KLK6: variants seen among roughly 807,000 people sequenced by gnomAD.
The protein encoded by KLK6 is kallikrein related peptidase 6.
KLK6 carries 16 observed loss-of-function variants against 21.7 expected under a neutral mutation model. The ratio of observed to expected loss-of-function variants is 0.74; its 90% CI spans 0.50 to 1.12. KLK6 has a LOEUF of 1.12. Among genes scored for constraint, KLK6 ranks in the 50% most tolerant of loss-of-function variants. KLK6 has a pLI of 0.00. For missense variants in KLK6, 276 were observed against 304.6 expected (o/e 0.91, Z 0.70); for synonymous variants, 116 against 120.1 (o/e 0.97, Z 0.22).
At chr19:50,960,245 C>T (rs1032298327) in intron 6 of KLK6, among the ~76,000 whole-genome samples, 4 of 151,734 alleles carry the variant, frequency 2.6e-5, no homozygotes, top group Non-Finnish European at 5.9e-5. Context: ...CTCTCCACCT[C>T]GTGTCTTGAG....
chr19:50,968,339 G>A, intron 2 of KLK6: 1 of 600,628 alleles, frequency 1.7e-6, no homozygotes, highest in South Asian at 2.0e-5. Flanking sequence ...ACGTCCACTG[G>A]TCCAGTAACC....
chr19:50,961,624 CTCTA>C (rs2090841367), intron 6 of KLK6, 116 bp downstream of exon 6: 23 of 1,224,828 alleles, frequency 1.9e-5, no homozygotes, highest in African/African-American at 3.0e-5. Context: ...CTCAGCCTGT[CTCTA>C]TCTGTCTCTG....
rs569990173 is a variant in KLK6 at position 50,966,584 on chromosome 19, TGAGGTCAG to T, written c.197+577_197+584del. Reference sequence around the variant, plus strand: ...GGGAGGGCGAGGCGGGCGGATCACCTGAGGTCAGGAGTTCGAGACCAGCCTGGCCAACA... The same window carrying T: ...GGGAGGGCGAGGCGGGCGGATCACCTGAGTTCGAGACCAGCCTGGCCAACA... On this transcript the variant is annotated intron_variant, in intron 4 of 6. Transcript: ENST00000310157. 3.0e-4 allele frequency among the ~76,000 whole-genome samples: 46 copies of T among 152,288 alleles called. No homozygotes were observed. The East Asian group carries it at 8.1e-3, about 27-fold the overall frequency.
At chr19:50,961,553 A>G (rs1422361273) in intron 6 of KLK6, among the ~76,000 whole-genome samples, 191 bp downstream of exon 6, 2 of 151,982 alleles carry the variant, frequency 1.3e-5, no homozygotes, top group Non-Finnish European at 2.9e-5. Flanking sequence ...ATCTCTGCAT[A>G]TCCCTGACTG....
At chr19:50,966,587 G>A (rs1392615573) in intron 4 of KLK6, among the ~76,000 whole-genome samples, 1 of 152,112 alleles carries the variant, frequency 6.6e-6, no homozygotes, top group Non-Finnish European at 1.5e-5. Flanking sequence ...GATCACCTGA[G>A]GTCAGGAGTT....
intron 4 of KLK6, among the ~76,000 whole-genome samples, chr19:50,965,137 C>T (rs2122141867): frequency 6.6e-6 from 1 of 152,028 alleles, no homozygotes; most frequent in Non-Finnish European, 1.5e-5. Flanking sequence ...GCTCTGTCAC[C>T]CAGGCTGGAT....
chr19:50,962,456 A>G (rs2090858846), intron 5 of KLK6: 1 of 152,006 alleles, frequency 6.6e-6, no homozygotes, highest in Middle Eastern at 3.3e-3. Context: ...ACCCTCCCTC[A>G]TGGATCCTCC....
intron 5 of KLK6, chr19:50,962,194 T>C: frequency 3.6e-6 from 1 of 278,080 alleles, no homozygotes; most frequent in Non-Finnish European, 6.8e-6. Context: ...CTTCCACTGG[T>C]CCCACCTTCT....
intron 6 of KLK6, 111 bp from the exon 7 acceptor site, chr19:50,959,427 AAGGGACAG>A: frequency 3.2e-6 from 3 of 935,316 alleles, no homozygotes; most frequent in Admixed American, 2.5e-5. Context: ...GAGAGGTAGA[AAGGGACAG>A]AGGTACTTAC....
At chr19:50,967,428 G>A (rs2090943638) in intron 3 of KLK6, 103 bp from the exon 4 acceptor site, 4 of 1,154,638 alleles carry the variant, frequency 3.5e-6, no homozygotes, top group Non-Finnish European at 4.8e-6. Context: ...AGTGGCTTAT[G>A]CCTGTAATCC....
intron 4 of KLK6, among the ~76,000 whole-genome samples, chr19:50,964,979 G>A (rs1434362824): frequency 1.3e-5 from 2 of 152,072 alleles, no homozygotes; most frequent in South Asian, 2.1e-4. Context: ...TCATGCCTCC[G>A]CTTGGATTTT....
At chr19:50,966,555 C>A (rs548060627) in intron 4 of KLK6, among the ~76,000 whole-genome samples, 1 of 152,218 alleles carries the variant, frequency 6.6e-6, no homozygotes, top group Non-Finnish European at 1.5e-5. Context: ...AATCCCAGCT[C>A]TTTGGGAGGG....
chr19:50,959,088 G>GCAAGGTCT lies in KLK6; in HGVS notation c.*68_*75dup. Reference sequence around the variant, plus strand: ...AGAGCTGGGCAGGAGAGGAGGGGAGGCAAGGTCTAGGTGAGAGACGTTCTG... The same window carrying GCAAGGTCT: ...AGAGCTGGGCAGGAGAGGAGGGGAGGCAAGGTCTCAAGGTCTAGGTGAGAGACGTTCTG... On this transcript the variant is annotated 3_prime_UTR_variant, in exon 7 of 7. Coordinates refer to ENST00000310157, the MANE Select transcript of KLK6 (RefSeq NM_002774.4). The GCAAGGTCT allele has an allele frequency of 1.3e-6, 2 of 1,528,130 alleles. No individual in the cohort carries two copies. The allele number at this position is 1,528,130 out of a possible 1,614,324, so 94.7% of individuals were successfully genotyped here.
chr19:50,966,897 A>G (rs2090935090), intron 4 of KLK6, among the ~76,000 whole-genome samples: 1 of 152,180 alleles, frequency 6.6e-6, no homozygotes, highest in Non-Finnish European at 1.5e-5. Flanking sequence ...AGGTCCCCAA[A>G]TGATCCAATT....
chr19:50,963,779 T>C (rs2090883148), intron 4 of KLK6: 1 of 540,934 alleles, frequency 1.8e-6, no homozygotes, highest in East Asian at 3.2e-5. Context: ...CTGAAGCATA[T>C]CCAGAATCTG....
In KLK6 at chr19:50,961,850, T is replaced by C; in HGVS notation, c.476A>G (p.Tyr159Cys). 2 of 1,613,990 alleles carry C rather than the reference T, an allele frequency of 1.2e-6. No homozygotes were observed. The highest frequency in any genetic ancestry group is 1.7e-6 in the Non-Finnish European group (2 of 1,179,898). The change falls in exon 6 of 7, where the codon TAC becomes TGC. Residue 159 changes from tyrosine to cysteine, a missense_variant. Transcript: ENST00000310157. ...CTCCTCACGGGACACCAGGTGGATGTATGCACACTGGATGGTGTCAGGGAA... is the reference window on the plus strand; with the variant it reads ...CTCCTCACGGGACACCAGGTGGATGCATGCACACTGGATGGTGTCAGGGAA... ...GDFPDTIQCAYIHLVSREECE... is the reference protein window; with the variant it reads ...GDFPDTIQCACIHLVSREECE...
intron 6 of KLK6, among the ~76,000 whole-genome samples, chr19:50,960,471 A>G (rs1039492477): frequency 6.6e-6 from 1 of 151,994 alleles, no homozygotes; most frequent in Non-Finnish European, 1.5e-5. Flanking sequence ...TTCGGGAGGG[A>G]GTCCCCTTTC....
chr19:50,959,833 GAGAAGA>G (rs1203939534), intron 6 of KLK6, among the ~76,000 whole-genome samples: 1 of 34,818 alleles, frequency 2.9e-5, no homozygotes, highest in East Asian at 9.8e-4. Context: ...GGAGGAAGAG[GAGAAGA>G]AGGAGGAAGA....
In KLK6 at chr19:50,959,363, CTGTGTGTGTGTGTGTG is replaced by C. The variant is rs71185782; in HGVS notation, c.583-63_583-48del. ...TCAGATACAGATAGAAACCCAGAGA[CTGTGTGTGTGTGTGTG>C]TGTGTGTGTGTGTGTGTGTGTGTGT... is the stretch of plus-strand genomic sequence containing the variant. On this transcript the variant is annotated intron_variant, in intron 6 of 6. Coordinates refer to ENST00000310157, the MANE Select transcript of KLK6 (RefSeq NM_002774.4). The C allele has an allele frequency of 6.5e-4, 546 of 841,856 alleles. 1 individual carries two copies. The highest frequency in any genetic ancestry group is 5.7e-3 in the East Asian group (214 of 37,316). The allele number at this position is 841,856 out of a possible 1,614,324, so 52.1% of individuals were successfully genotyped here. A position where few individuals can be genotyped will look rare whatever the true frequency, so the allele number is the denominator to read the frequency against.
Sources: allele counts gnomAD v4.1 joint callset (sites outside exome capture counted in the v4.1 genomes callset), GRCh38; gene constraint gnomAD v4.1.1; transcripts MANE v1.5; gene names NCBI Gene and HGNC (gene_info 2026-07-23, HGNC 2026-07-21).